The following GALNT17 variants were observed in gnomAD, a reference collection of about 807,000 sequenced individuals.
The protein encoded by GALNT17 is polypeptide N-acetylgalactosaminyltransferase 17, also known as UDP-GalNAc:polypeptide N-acetylgalactosaminyltransferase-like 3.
In GALNT17, 29 loss-of-function variants were observed where a neutral mutation model predicts 63.7. The observed-to-expected ratio is 0.46, with a 90% confidence interval of 0.34 to 0.62. The LOEUF is 0.62. Ranked by LOEUF, GALNT17 falls within the 20% of genes least tolerant of loss-of-function variation. The pLI is 0.01. For missense variants in GALNT17, 603 were observed against 799.6 expected (o/e 0.75, Z 2.97); for synonymous variants, 305 against 318.3 (o/e 0.96, Z 0.45).
intron 1 of GALNT17, among the ~76,000 whole-genome samples, chr7:71,259,631 G>GTTTTTTTT: frequency 7.7e-6 from 1 of 129,802 alleles, no homozygotes; most frequent in Non-Finnish European, 1.7e-5. Context: ...GTCCTGTTTT[G>GTTTTTTTT]TTTTTTGTTT....
At chr7:71,153,024 C>T (rs796737977) in intron 1 of GALNT17, among the ~76,000 whole-genome samples, 1 of 152,140 alleles carries the variant, frequency 6.6e-6, no homozygotes, top group Non-Finnish European at 1.5e-5. Flanking sequence ...ACAGCATTGA[C>T]TTCCAGACGA....
chr7:71,313,677 A>G (rs1008896606), intron 1 of GALNT17, among the ~76,000 whole-genome samples: 4 of 152,216 alleles, frequency 2.6e-5, no homozygotes, highest in African/African-American at 9.6e-5. Context: ...CTCATTAGGG[A>G]AGAGAGGGAG....
intron 1 of GALNT17, among the ~76,000 whole-genome samples, chr7:71,167,988 A>G (rs1293395856): frequency 1.3e-5 from 2 of 152,170 alleles, no homozygotes. Flanking sequence ...TAAGTGTTAT[A>G]GTTTTAGGTT....
chr7:71,350,955 A>G (rs373524547), intron 2 of GALNT17, among the ~76,000 whole-genome samples: 1 of 152,240 alleles, frequency 6.6e-6, no homozygotes, highest in Non-Finnish European at 1.5e-5. Context: ...AGCATGGCCA[A>G]CATGGCAAAA....
chr7:71,377,101 T>C (rs28429275), intron 2 of GALNT17, among the ~76,000 whole-genome samples: 1 of 51,486 alleles, frequency 1.9e-5, no homozygotes, highest in Non-Finnish European at 3.3e-5. Context: ...AAAAAAAAAA[T>C]AAAAATAAAA....
At chr7:71,204,345 T>C (rs1350005835) in intron 1 of GALNT17, among the ~76,000 whole-genome samples, 2 of 152,178 alleles carry the variant, frequency 1.3e-5, no homozygotes, top group Non-Finnish European at 2.9e-5. Context: ...GCCTCCAGCT[T>C]TGTTTTGTTT....
intron 5 of GALNT17, among the ~76,000 whole-genome samples, chr7:71,528,652 A>G (rs943339079): frequency 9.9e-5 from 15 of 152,200 alleles, no homozygotes; most frequent in African/African-American, 3.1e-4. Context: ...TCTACATCAC[A>G]TTCATCATAT....
chr7:71,473,560 C>G (rs1430193595), intron 5 of GALNT17, among the ~76,000 whole-genome samples: 1 of 152,128 alleles, frequency 6.6e-6, no homozygotes, highest in Non-Finnish European at 1.5e-5. Context: ...CTTATGATCT[C>G]TATTTTAATG....
intron 1 of GALNT17, among the ~76,000 whole-genome samples, chr7:71,245,603 C>T (rs147825909): frequency 7.2e-5 from 11 of 152,296 alleles, no homozygotes; most frequent in African/African-American, 2.6e-4. Flanking sequence ...AGTTCTGGGT[C>T]TCTGAAGGTT....
At position 71,350,542 on chromosome 7, in the gene GALNT17, A is replaced by G. The variant is rs192853722; in HGVS notation, c.422+14809A>G. On this transcript the variant is annotated intron_variant, in intron 2 of 10. Transcript: ENST00000333538. ...AAAAATAGCAATACGACAATAAAAA[A>G]TACAAATAAAAAAACACTACAGTAT... is the stretch of plus-strand genomic sequence containing the variant. 3.4e-3 allele frequency among the ~76,000 whole-genome samples: 523 copies of G among 152,348 alleles called. 1 individual carries two copies. The highest frequency in any genetic ancestry group is 0.01 in the Middle Eastern group (3 of 294).
At chr7:71,552,369 A>C (rs1584044465) in intron 5 of GALNT17, among the ~76,000 whole-genome samples, 1 of 151,332 alleles carries the variant, frequency 6.6e-6, no homozygotes, top group Admixed American at 6.6e-5. Flanking sequence ...TATGCTAGGA[A>C]GGCACTTTAC....
In GALNT17 at chr7:71,252,743, T is replaced by C. The variant is rs577197963; in HGVS notation, c.239-82807T>C. ...CAACTTACTCTGCCAAAGGGGAAAGTCAAGCTGGGAACAGTCATGCAAACC... is the reference window on the plus strand; with the variant it reads ...CAACTTACTCTGCCAAAGGGGAAAGCCAAGCTGGGAACAGTCATGCAAACC... On this transcript the variant is annotated intron_variant, in intron 1 of 10. Transcript: ENST00000333538. Among the ~76,000 whole-genome samples, 8 of 152,184 alleles carry C rather than the reference T, an allele frequency of 5.3e-5. No individual in the cohort carries two copies. The East Asian group carries it at 1.5e-3, about 29-fold the overall frequency.
At position 71,151,249 on chromosome 7, in the gene GALNT17, G is replaced by A. The variant is rs141377104; in HGVS notation, c.238+18209G>A. Among the ~76,000 whole-genome samples, 461 of 152,234 alleles carry A rather than the reference G, an allele frequency of 3.0e-3. 3 individuals are homozygous for A. Among genetic ancestry groups the A allele is most frequent in the African/African-American group, 0.011 (450 of 41,548 alleles). The stretch of plus-strand genomic sequence containing the variant: ...TATTGATTGATCTTAAACAATAAGT[G>A]GGGGGATGGTGAGATGGTTGGATTG... On this transcript the variant is annotated intron_variant, in intron 1 of 10. Transcript: ENST00000333538.
chr7:71,380,186 A>C (rs1209305084), intron 2 of GALNT17, among the ~76,000 whole-genome samples: 3 of 152,152 alleles, frequency 2.0e-5, no homozygotes, highest in African/African-American at 7.2e-5. Context: ...CAGTTTCAGC[A>C]AAATAGGTTG....
intron 1 of GALNT17, among the ~76,000 whole-genome samples, chr7:71,236,549 A>T (rs1327244301): frequency 1.3e-5 from 2 of 152,152 alleles, no homozygotes; most frequent in African/African-American, 4.8e-5. Flanking sequence ...TTTTTCTATA[A>T]GATGGGGAAT....
At chr7:71,552,480 G>C (rs559536316) in intron 5 of GALNT17, among the ~76,000 whole-genome samples, 1 of 144,640 alleles carries the variant, frequency 6.9e-6, no homozygotes, top group Non-Finnish European at 1.5e-5. Flanking sequence ...TCACTCTGTT[G>C]CCCAGGCTGG....
At chr7:71,607,489 G>A (rs544436189) in intron 6 of GALNT17, among the ~76,000 whole-genome samples, 71 of 152,272 alleles carry the variant, frequency 4.7e-4, no homozygotes, top group African/African-American at 1.7e-3. Context: ...TAAGATAGAG[G>A]AGGGCTTTAT....
At chr7:71,212,293 G>A (rs1301191054) in intron 1 of GALNT17, among the ~76,000 whole-genome samples, 1 of 152,234 alleles carries the variant, frequency 6.6e-6, no homozygotes, top group Non-Finnish European at 1.5e-5. Context: ...TCCACATGTT[G>A]TTGAACCTGA....
intron 1 of GALNT17, among the ~76,000 whole-genome samples, chr7:71,195,704 T>G (rs1392247778): frequency 2.0e-5 from 3 of 152,042 alleles, no homozygotes; most frequent in Admixed American, 6.6e-5. Context: ...CATGCCACCA[T>G]GCTTGGCTAA....
Sources: gnomAD v4.1 joint callset for allele counts (sites outside exome capture counted in the v4.1 genomes callset) on GRCh38, gnomAD v4.1.1 for gene constraint, MANE v1.5 for transcripts, NCBI Gene and HGNC (gene_info 2026-07-23, HGNC 2026-07-21) for gene names.